MACROD2: variants seen among roughly 807,000 people sequenced by gnomAD.
MACROD2 encodes the protein ADP-ribose glycohydrolase MACROD2.
In MACROD2, 36 loss-of-function variants were observed where a neutral mutation model predicts 70.4. The observed-to-expected ratio is 0.51, with a 90% CI of 0.39 to 0.68. The LOEUF (loss-of-function observed/expected upper bound fraction) is 0.68. Among genes scored for constraint, MACROD2 ranks in the 30% least tolerant of loss-of-function variants. The probability of loss-of-function intolerance (pLI) is 0.00; values close to 1 mark genes in which losing one functional copy is unlikely to be tolerated. For missense variants in MACROD2, 496 were observed against 538.4 expected, an observed-to-expected ratio of 0.92 and a Z score of 0.78; for synonymous variants, 172 against 178.8, an observed-to-expected ratio of 0.96 and a Z score of 0.30.
intron 6 of MACROD2, among the ~76,000 whole-genome samples, chr20:15,391,716 CT>C (rs1165377838): frequency 6.6e-6 from 1 of 152,140 alleles, no homozygotes; most frequent in Non-Finnish European, 1.5e-5. Context: ...TGTACAAGTT[CT>C]TCTTGGAAAC....
chr20:14,295,824 C>A (rs903396437), intron 3 of MACROD2, among the ~76,000 whole-genome samples: 1 of 151,774 alleles, frequency 6.6e-6, no homozygotes, highest in Non-Finnish European at 1.5e-5. Context: ...GAGGATAAAA[C>A]TTTTATTGCA....
intron 3 of MACROD2, among the ~76,000 whole-genome samples, chr20:14,269,354 A>G (rs2082171120): frequency 6.6e-6 from 1 of 152,194 alleles, no homozygotes; most frequent in Non-Finnish European, 1.5e-5. Context: ...GATATCTGTC[A>G]TTTCAGAATT....
intron 3 of MACROD2, chr20:14,325,749 G>T (rs746858774): frequency 6.2e-7 from 1 of 1,613,786 alleles, no homozygotes; most frequent in Non-Finnish European, 8.5e-7. Flanking sequence ...TGATTTCCAG[G>T]ATAGAGTTGT....
chr20:14,429,645 C>G (rs1219991086), intron 3 of MACROD2, among the ~76,000 whole-genome samples: 1 of 152,154 alleles, frequency 6.6e-6, no homozygotes, highest in Admixed American at 6.5e-5. Flanking sequence ...CAGATGTTTT[C>G]CTAAGTCAGG....
intron 3 of MACROD2, among the ~76,000 whole-genome samples, chr20:14,277,111 G>T (rs1422568429): frequency 1.3e-5 from 2 of 152,002 alleles, no homozygotes; most frequent in Non-Finnish European, 2.9e-5. Flanking sequence ...AGATCAGCAT[G>T]ACTGACATGG....
intron 13 of MACROD2, 147 bp from the exon 14 acceptor site, chr20:15,986,580 T>G: frequency 1.9e-6 from 1 of 534,250 alleles, no homozygotes; most frequent in Non-Finnish European, 3.4e-6. Flanking sequence ...AATCTGATGA[T>G]TAGAAAAATT....
chr20:15,834,025 T>A (rs2064085754), intron 8 of MACROD2, among the ~76,000 whole-genome samples: 1 of 152,202 alleles, frequency 6.6e-6, no homozygotes, highest in Non-Finnish European at 1.5e-5. Flanking sequence ...ATTAAAATGA[T>A]AGGATTGGAA....
intron 3 of MACROD2, chr20:14,327,412 G>T: frequency 6.2e-7 from 1 of 1,613,612 alleles, no homozygotes; most frequent in East Asian, 2.2e-5. Flanking sequence ...ACACACAGAT[G>T]GACAGGATTT....
intron 5 of MACROD2, among the ~76,000 whole-genome samples, chr20:15,020,590 T>A (rs542222522): frequency 6.6e-6 from 1 of 152,236 alleles, no homozygotes; most frequent in South Asian, 2.1e-4. Flanking sequence ...TGTTAGGCAA[T>A]GTCGTCATCA....
chr20:15,479,728 T>C (rs922187356), intron 7 of MACROD2, among the ~76,000 whole-genome samples: 1 of 152,230 alleles, frequency 6.6e-6, no homozygotes, highest in African/African-American at 2.4e-5. Context: ...CGATAAAGGC[T>C]GAGTGCCTGT....
At chr20:15,995,739 A>G (rs1024652806) in intron 15 of MACROD2, among the ~76,000 whole-genome samples, 6 of 147,448 alleles carry the variant, frequency 4.1e-5, no homozygotes. Context: ...ACTCAGCATA[A>G]TGCCCTCAAG....
At chr20:15,241,745 A>G (rs1434452268) in intron 6 of MACROD2, among the ~76,000 whole-genome samples, 3 of 139,524 alleles carry the variant, frequency 2.2e-5, no homozygotes, top group East Asian at 2.0e-4. Flanking sequence ...AAAAATAGAT[A>G]TTTAGGGTAT....
At chr20:15,719,373 T>C (rs2050752532) in intron 8 of MACROD2, among the ~76,000 whole-genome samples, 1 of 152,198 alleles carries the variant, frequency 6.6e-6, no homozygotes, top group Non-Finnish European at 1.5e-5. Context: ...CTGTCATAGT[T>C]GTGAGTGAAC....
At chr20:15,817,039 C>G (rs944812985) in intron 8 of MACROD2, among the ~76,000 whole-genome samples, 3 of 152,146 alleles carry the variant, frequency 2.0e-5, no homozygotes, top group Admixed American at 1.3e-4. Context: ...GGAGGCTAAG[C>G]CTTTGTAAGT....
chr20:15,264,312 C>T (rs954534904), intron 6 of MACROD2, among the ~76,000 whole-genome samples: 7 of 152,160 alleles, frequency 4.6e-5, no homozygotes, highest in African/African-American at 1.7e-4. Flanking sequence ...TGGTGGGATT[C>T]TAAAAGGTCA....
chr20:15,706,905 A>G (rs1275461406), intron 8 of MACROD2, among the ~76,000 whole-genome samples: 1 of 152,188 alleles, frequency 6.6e-6, no homozygotes, highest in Non-Finnish European at 1.5e-5. Context: ...CCAGGATGTG[A>G]TTCATGGGCC....
chr20:14,397,508 A>G (rs952122662), intron 3 of MACROD2, among the ~76,000 whole-genome samples: 4 of 152,146 alleles, frequency 2.6e-5, no homozygotes, highest in Admixed American at 6.5e-5. Flanking sequence ...TCCTTTGGCT[A>G]TGTGTTATTT....
intron 8 of MACROD2, among the ~76,000 whole-genome samples, chr20:15,696,013 ACCGATTTGGATGCC>A (rs1275137315): frequency 6.6e-6 from 1 of 152,072 alleles, no homozygotes; most frequent in Admixed American, 6.5e-5. Context: ...CTTCCTCTTT[ACCGATTTGGATGCC>A]CCTTATTTCT....
chr20:14,053,743 A>T (rs902654811), intron 2 of MACROD2: 1 of 152,124 alleles, frequency 6.6e-6, no homozygotes, highest in South Asian at 2.1e-4. Flanking sequence ...TCCCATAGAT[A>T]GCGTGATGGA....
Sources: gnomAD v4.1 joint callset for allele counts (sites outside exome capture counted in the v4.1 genomes callset) on GRCh38, gnomAD v4.1.1 for gene constraint, MANE v1.5 for transcripts, NCBI Gene and HGNC (gene_info 2026-07-23, HGNC 2026-07-21) for gene names.